Variants in TRPC7 observed in about 807,000 individuals in gnomAD.
TRPC7 encodes the protein transient receptor potential cation channel subfamily C member 7, also known as short transient receptor potential channel 7.
In TRPC7, 42 loss-of-function variants were observed where a neutral mutation model predicts 90.1. The ratio of observed to expected loss-of-function variants is 0.47; its 90% CI spans 0.36 to 0.60. The LOEUF is 0.60. TRPC7 is among the 20% of genes least tolerant of loss of function. The pLI, the probability that TRPC7 is intolerant of heterozygous loss-of-function variation, is 0.00. For missense variants in TRPC7, 955 were observed against 1,112.3 expected (o/e 0.86, Z 2.01); for synonymous variants, 451 against 436.3 (o/e 1.03, Z -0.42).
chr5:136,357,081 G>A lies in TRPC7; in HGVS notation c.307C>T (p.Leu103=). Residue 103 remains leucine, a synonymous_variant, in exon 2 of 12, where the codon CTG becomes TTG. Transcript: ENST00000513104. The part of the protein sequence containing the change: ...VTELLLKKEN[L]ARVGDALLLA... ...AGCAGCGCGTCCCCCACCCGTGCCAGGTTCTCCTTCTTCAGCAGCAGCTCC... is the reference window on the plus strand; with the variant it reads ...AGCAGCGCGTCCCCCACCCGTGCCAAGTTCTCCTTCTTCAGCAGCAGCTCC... 6.2e-7 allele frequency: 1 copy of A among 1,613,972 alleles called. No individual in the cohort carries two copies. The highest frequency in any genetic ancestry group is 8.5e-7 in the Non-Finnish European group (1 of 1,179,946).
chr5:136,328,488 G>A (rs1759410093), intron 2 of TRPC7, among the ~76,000 whole-genome samples: 1 of 152,200 alleles, frequency 6.6e-6, no homozygotes, highest in South Asian at 2.1e-4. Context: ...TTTCGTCACA[G>A]GCCTGATCAG....
chr5:136,318,582 T>A (rs1370406827), intron 2 of TRPC7, among the ~76,000 whole-genome samples: 1 of 152,230 alleles, frequency 6.6e-6, no homozygotes, highest in Non-Finnish European at 1.5e-5. Flanking sequence ...TTTCACTATC[T>A]TGGAAGATGA....
In TRPC7 at chr5:136,274,683, G is replaced by A. The variant is rs1431820180; in HGVS notation, c.1118C>T (p.Pro373Leu). 5.0e-6 allele frequency: 8 copies of A among 1,613,330 alleles called. No individual in the cohort carries two copies. The highest frequency in any genetic ancestry group is 3.3e-5 in the Admixed American group (2 of 59,884). ...PFLAIAYWIA[P>L]CSKLGRTLRS... ...TTAAGCAGTCTGTACCTTGCTGCACGGAGCAATCCAATAGGCTATGGCGAG... is the reference window on the plus strand; with the variant it reads ...TTAAGCAGTCTGTACCTTGCTGCACAGAGCAATCCAATAGGCTATGGCGAG... The change falls in exon 4 of 12, where the codon CCG becomes CTG. Residue 373 changes from proline to leucine, a missense_variant. Coordinates refer to ENST00000513104, the MANE Select transcript of TRPC7 (RefSeq NM_020389.3).
intron 1 of TRPC7, among the ~76,000 whole-genome samples, chr5:136,361,293 C>T (rs928254794): frequency 4.6e-5 from 7 of 152,144 alleles, no homozygotes; most frequent in Admixed American, 6.5e-5. Context: ...CCAATTAAGA[C>T]ACTTTGTTTT....
chr5:136,304,557 C>T (rs1298984994), intron 3 of TRPC7, among the ~76,000 whole-genome samples: 1 of 152,172 alleles, frequency 6.6e-6, no homozygotes, highest in African/African-American at 2.4e-5. Context: ...TGTTCTGGAT[C>T]TCAAACATGC....
At chr5:136,226,386 C>T in intron 8 of TRPC7, 131 bp from the exon 9 acceptor site, 1 of 663,184 alleles carries the variant, frequency 1.5e-6, no homozygotes, top group Non-Finnish European at 2.6e-6. Context: ...TGTAGTTTTT[C>T]TACAGATGGC....
intron 3 of TRPC7, among the ~76,000 whole-genome samples, chr5:136,315,096 T>G (rs1663110194): frequency 6.6e-6 from 1 of 152,218 alleles, no homozygotes; most frequent in African/African-American, 2.4e-5. Flanking sequence ...GGCTTTCATA[T>G]GCCTTTGGAG....
At chr5:136,329,677 T>C (rs745847534) in intron 2 of TRPC7, among the ~76,000 whole-genome samples, 1 of 152,222 alleles carries the variant, frequency 6.6e-6, no homozygotes. Flanking sequence ...CATGGTCATA[T>C]GCGTAAGTTA....
At chr5:136,283,741 C>A (rs1435994679) in intron 3 of TRPC7, among the ~76,000 whole-genome samples, 1 of 152,198 alleles carries the variant, frequency 6.6e-6, no homozygotes, top group East Asian at 1.9e-4. Context: ...AGATTTCTTA[C>A]TTCTGGGAAT....
At chr5:136,259,574 C>T (rs1756789993) in intron 5 of TRPC7, among the ~76,000 whole-genome samples, 1 of 152,228 alleles carries the variant, frequency 6.6e-6, no homozygotes, top group Admixed American at 6.5e-5. Context: ...CTGGGAACTA[C>T]TAGCATTATT....
intron 2 of TRPC7, 133 bp downstream of exon 2, chr5:136,356,475 T>C: frequency 2.2e-6 from 2 of 916,588 alleles, no homozygotes; most frequent in East Asian, 2.8e-5. Context: ...GTTCCCCTCC[T>C]CCCCTGGGCC....
Position 136,251,941 on chromosome 5 carries a change from A to G in TRPC7, c.1346-59T>C, listed in dbSNP as rs1756535637. 4 of 1,398,206 alleles carry G rather than the reference A, an allele frequency of 2.9e-6. No individual in the cohort carries two copies. In the East Asian group the frequency reaches 9.2e-5, roughly 32 times the overall value. 86.6% of individuals were successfully genotyped at this position (1,398,206 alleles called of 1,614,324 possible). On this transcript the variant is annotated intron_variant, in intron 5 of 11. Transcript: ENST00000513104. ...CGTTTCTCTTGGCATTTGTGACCGC[A>G]TGAGGTCATGGAGGGAACCAGAGTA...
At chr5:136,254,805 A>G (rs1756640223) in intron 5 of TRPC7, among the ~76,000 whole-genome samples, 1 of 152,112 alleles carries the variant, frequency 6.6e-6, no homozygotes, top group Admixed American at 6.6e-5. Context: ...GGCAAAGTAA[A>G]TTGAAACCTA....
chr5:136,315,148 AG>A (rs1357408758), intron 3 of TRPC7, among the ~76,000 whole-genome samples: 1 of 152,178 alleles, frequency 6.6e-6, no homozygotes, highest in East Asian at 1.9e-4. Flanking sequence ...TGATCCCATA[AG>A]CTCTTTACAT....
At chr5:136,285,361 A>T (rs1757680557) in intron 3 of TRPC7, among the ~76,000 whole-genome samples, 1 of 152,202 alleles carries the variant, frequency 6.6e-6, no homozygotes, top group Non-Finnish European at 1.5e-5. Context: ...TTTAAATTGC[A>T]GCATCAGACA....
chr5:136,340,775 T>TA (rs148902229), intron 2 of TRPC7, among the ~76,000 whole-genome samples: 2,868 of 151,754 alleles, frequency 0.019, 38 homozygotes, highest in Non-Finnish European at 0.025. Context: ...ATTTTTTTCA[T>TA]AAAATACAGT....
At chr5:136,265,703 A>G (rs1757001904) in intron 5 of TRPC7, among the ~76,000 whole-genome samples, 1 of 152,196 alleles carries the variant, frequency 6.6e-6, no homozygotes, top group South Asian at 2.1e-4. Context: ...CCACTACAAG[A>G]GGAATTTCAT....
At chr5:136,287,875 C>G (rs1275291398) in intron 3 of TRPC7, among the ~76,000 whole-genome samples, 1 of 151,982 alleles carries the variant, frequency 6.6e-6, no homozygotes, top group African/African-American at 2.4e-5. Flanking sequence ...ACAAGTGAGT[C>G]TTCAGGGCCG....
intron 5 of TRPC7, among the ~76,000 whole-genome samples, chr5:136,253,129 T>C (rs1756578016): frequency 6.6e-6 from 1 of 152,238 alleles, no homozygotes; most frequent in Admixed American, 6.5e-5. Context: ...CAGTTACATG[T>C]TGCAGTGATT....
Sources: gnomAD v4.1 joint callset for allele counts (sites outside exome capture counted in the v4.1 genomes callset) on GRCh38, gnomAD v4.1.1 for gene constraint, MANE v1.5 for transcripts, NCBI Gene and HGNC (gene_info 2026-07-23, HGNC 2026-07-21) for gene names.